Variants in BAD observed in about 807,000 individuals in gnomAD.
BAD encodes the protein bcl2-associated agonist of cell death.
A neutral mutation model predicts 17.8 loss-of-function variants in BAD; 18 were observed. That is an observed-to-expected ratio of 1.01 (90% confidence interval 0.70 to 1.50). BAD has a LOEUF of 1.50. Ranked by LOEUF, BAD falls within the 40% of genes most tolerant of loss-of-function variation. The pLI is 0.00. For missense variants in BAD, 294 were observed against 239.3 expected, an observed-to-expected ratio of 1.23 and a Z score of -1.51; for synonymous variants, 112 against 91.5, an observed-to-expected ratio of 1.22 and a Z score of -1.28.
In BAD at chr11:64,274,151, G is replaced by C. The variant is rs566964569; in HGVS notation, c.188-2348C>G. 2.6e-5 allele frequency among the ~76,000 whole-genome samples: 4 copies of C among 152,342 alleles called. No individual in the cohort carries two copies. The South Asian group carries it at 8.3e-4, about 32-fold the overall frequency. ...CTTACGCCTTTAATCCCAACACTTT[G>C]GGAGGCCGAGGCAGGCGCATCACGA... On this transcript the variant is annotated intron_variant, in intron 2 of 3. Coordinates refer to ENST00000309032, the MANE Select transcript of BAD (RefSeq NM_032989.3).
chr11:64,270,006 G>T lies in BAD; in HGVS notation c.*203C>A. ...CACGGAGCCACTTCCGGCGGCTGTGGGCGGAAAACCCAAAACTTCCGATGG... is the reference window on the plus strand; with the variant it reads ...CACGGAGCCACTTCCGGCGGCTGTGTGCGGAAAACCCAAAACTTCCGATGG... On this transcript the variant is annotated 3_prime_UTR_variant, in exon 4 of 4. Coordinates refer to ENST00000309032, the MANE Select transcript of BAD (RefSeq NM_032989.3). 1 of 1,006,662 alleles carries T rather than the reference G, an allele frequency of 9.9e-7. No homozygotes were observed. Among genetic ancestry groups the T allele is most frequent in the Non-Finnish European group, 1.5e-6 (1 of 676,562 alleles). 62.4% of individuals were successfully genotyped at this position (1,006,662 alleles called of 1,614,324 possible). A position where few individuals can be genotyped will look rare whatever the true frequency, so the allele number is the denominator to read the frequency against.
At chr11:64,282,756 G>A (rs560665633) in intron 2 of BAD, among the ~76,000 whole-genome samples, 34 of 152,106 alleles carry the variant, frequency 2.2e-4, no homozygotes, top group African/African-American at 8.2e-4. Flanking sequence ...ACACGCGCCT[G>A]TAGTCCCAGC....
chr11:64,270,580 C>G (rs537295524), intron 3 of BAD: 1 of 703,350 alleles, frequency 1.4e-6, no homozygotes, highest in East Asian at 2.7e-5. Flanking sequence ...TGCCTAGGGC[C>G]CTAAATGGAA....
chr11:64,282,564 G>A (rs1012438220), intron 2 of BAD, among the ~76,000 whole-genome samples: 10 of 151,582 alleles, frequency 6.6e-5, no homozygotes, highest in Middle Eastern at 6.9e-3. Context: ...AGGAGACCCC[G>A]CCCCTGCCCT....
In BAD at chr11:64,270,253, A is replaced by G. The variant is rs1253539806; in HGVS notation, c.463T>C (p.Trp155Arg). Residue 155 changes from tryptophan to arginine, a missense_variant, in exon 4 of 4, where the codon TGG becomes CGG. Physicochemically the swap from Trp to Arg is moderately radical, Grantham distance 101. Transcript: ENST00000309032. ...SSWTRVFQSWWDRNLGRGSSA... is the reference protein window; with the variant it reads ...SSWTRVFQSWRDRNLGRGSSA... ...CTTCCCCTGCCCAAGTTCCGATCCCACCAGGACTGGAAGACTCGCGTCCAG... is the reference window on the plus strand; with the variant it reads ...CTTCCCCTGCCCAAGTTCCGATCCCGCCAGGACTGGAAGACTCGCGTCCAG... The G allele has an allele frequency of 1.2e-6, 2 of 1,605,438 alleles. No individual in the cohort carries two copies. The highest frequency in any genetic ancestry group is 1.7e-5 in the Admixed American group (1 of 59,412).
chr11:64,269,965 AGCCTGAGGGCGGG>A lies in BAD; in HGVS notation c.*231_*243del, dbSNP rs1190024012. ...CGCAGGCGCCTGGGGGAAAGCCCGGAGCCTGAGGGCGGGGCCACGGAGCCACTTCCGGCGGCTG... is the reference window on the plus strand; with the variant it reads ...CGCAGGCGCCTGGGGGAAAGCCCGGAGCCACGGAGCCACTTCCGGCGGCTG... On this transcript the variant is annotated 3_prime_UTR_variant, in exon 4 of 4. Transcript: ENST00000309032. 1.3e-6 allele frequency: 1 copy of A among 756,322 alleles called. No homozygotes were observed. The highest frequency in any genetic ancestry group is 2.7e-5 in the East Asian group (1 of 37,434). The allele number at this position is 756,322 out of a possible 1,614,324, so 46.9% of individuals were successfully genotyped here. A position where few individuals can be genotyped will look rare whatever the true frequency, so the allele number is the denominator to read the frequency against.
intron 2 of BAD, chr11:64,276,837 C>A (rs575997979): frequency 1.4e-5 from 10 of 713,376 alleles, no homozygotes; most frequent in African/African-American, 1.2e-4. Flanking sequence ...GAGCCTGGCC[C>A]GGAGCTGGGT....
intron 2 of BAD, among the ~76,000 whole-genome samples, chr11:64,278,484 T>A (rs1170854164): frequency 6.6e-6 from 1 of 151,934 alleles, no homozygotes; most frequent in East Asian, 1.9e-4. Context: ...AGGCACTGTT[T>A]CCAAGCACTT....
chr11:64,272,258 G>T (rs947793631), intron 2 of BAD, among the ~76,000 whole-genome samples: 5 of 151,764 alleles, frequency 3.3e-5, no homozygotes, highest in Non-Finnish European at 7.4e-5. Flanking sequence ...GGGAGAGGTC[G>T]CAGTGAGCCG....
In BAD at chr11:64,269,892, G is replaced by T. The variant is rs1170652963; in HGVS notation, c.*317C>A. ...GAGCACGGCCCCCAGGGCATCGCGG[G>T]GGCTCGGGTCCCGGTGACGCAACGG... On this transcript the variant is annotated 3_prime_UTR_variant, in exon 4 of 4. Coordinates refer to ENST00000309032, the MANE Select transcript of BAD (RefSeq NM_032989.3). 1 of 699,258 alleles carries T rather than the reference G, an allele frequency of 1.4e-6. No homozygotes were observed. The highest frequency in any genetic ancestry group is 2.6e-6 in the Non-Finnish European group (1 of 384,908). The allele number at this position is 699,258 out of a possible 1,614,324, so 43.3% of individuals were successfully genotyped here.
At position 64,284,283 on chromosome 11, in the gene BAD, T is replaced by C. The variant is rs1335091710; in HGVS notation, c.86A>G (p.Asp29Gly). Residue 29 changes from aspartate to glycine, a missense_variant, in exon 2 of 4, where the codon GAC becomes GGC. Transcript: ENST00000309032. ...ERGLGPSPAGDGPSGSGKHHR... is the reference protein window; with the variant it reads ...ERGLGPSPAGGGPSGSGKHHR... ...ATGCTTGCCGGAGCCTGAGGGCCCG[T>C]CCCCTGCGGGGCTGGGGCCCAGGCC... 1 of 1,611,820 alleles carries C rather than the reference T, an allele frequency of 6.2e-7. No individual in the cohort carries two copies. The highest frequency in any genetic ancestry group is 1.1e-5 in the South Asian group (1 of 91,078).
intron 2 of BAD, among the ~76,000 whole-genome samples, chr11:64,275,291 G>T (rs777084274): frequency 6.6e-6 from 1 of 152,148 alleles, no homozygotes; most frequent in African/African-American, 2.4e-5. Context: ...GGAGAGCCGG[G>T]AACAGAAGGG....
In BAD at chr11:64,271,733, C is replaced by A. The variant is rs777345859; in HGVS notation, c.258G>T (p.Met86Ile). 2.0e-5 allele frequency: 29 copies of A among 1,449,552 alleles called. No individual in the cohort carries two copies. Among genetic ancestry groups the A allele is most frequent in the Non-Finnish European group, 2.6e-5 (29 of 1,101,228 alleles). 89.8% of individuals were successfully genotyped at this position (1,449,552 alleles called of 1,614,324 possible). A position where few individuals can be genotyped will look rare whatever the true frequency, so the allele number is the denominator to read the frequency against. The change falls in exon 3 of 4, where the codon ATG becomes ATT. Residue 86 changes from methionine to isoleucine, a missense_variant. By Grantham distance (10) the Met-to-Ile change is conservative (BLOSUM62 1). Transcript: ENST00000309032. ...YPAGTEDDEG[M>I]GEEPSPFRGR... ...CCCGAAAGGGGCTGGGCTCCTCCCC[C>A]ATCCCTTCGTCGTCCTCCGTCCCCG... is the stretch of plus-strand genomic sequence containing the variant.
intron 2 of BAD, among the ~76,000 whole-genome samples, chr11:64,273,775 G>A (rs939943843): frequency 1.1e-4 from 17 of 150,114 alleles, no homozygotes; most frequent in African/African-American, 3.4e-4. Flanking sequence ...CCAGCTACTC[G>A]GGAGGCTGAA....
At chr11:64,284,547 G>A in intron 1 of BAD, 84 bp downstream of exon 1, 1 of 1,501,896 alleles carries the variant, frequency 6.7e-7, no homozygotes, top group Non-Finnish European at 8.9e-7. Flanking sequence ...AGCTGAGGCT[G>A]TCGGCTCAGG....
At position 64,270,317 on chromosome 11, in the gene BAD, C is replaced by T. The variant is rs149903516; in HGVS notation, c.399G>A (p.Lys133=). The T allele has an allele frequency of 1.9e-6, 3 of 1,565,786 alleles. No individual in the cohort carries two copies. The African/African-American group carries it at 4.1e-5, about 21-fold the overall frequency. Residue 133 remains lysine, a synonymous_variant, in exon 4 of 4, where the codon AAG becomes AAA. Transcript: ENST00000309032. ...GCATCTGCGTTGCTGTGCCCGCGCT[C>T]TTCGGGCGAGGAAGTCCCTTCTGGT... ...DSFKKGLPRP[K]SAGTATQMRQ...
intron 2 of BAD, among the ~76,000 whole-genome samples, chr11:64,275,303 C>A (rs1393548468): frequency 6.6e-6 from 1 of 152,174 alleles, no homozygotes; most frequent in Non-Finnish European, 1.5e-5. Flanking sequence ...ACAGAAGGGG[C>A]ACTGACGGAA....
At chr11:64,272,146 C>G (rs1488861885) in intron 2 of BAD, among the ~76,000 whole-genome samples, 1 of 152,138 alleles carries the variant, frequency 6.6e-6, no homozygotes, top group African/African-American at 2.4e-5. Flanking sequence ...TGGTGAAACC[C>G]TGTCTCTACT....
intron 2 of BAD, among the ~76,000 whole-genome samples, chr11:64,274,613 G>A (rs1468390140): frequency 6.6e-6 from 1 of 152,120 alleles, no homozygotes; most frequent in East Asian, 1.9e-4. Context: ...ACGAGGTCAG[G>A]AGTTCGAGAC....
Sources: gnomAD v4.1 joint callset for allele counts (sites outside exome capture counted in the v4.1 genomes callset) on GRCh38, gnomAD v4.1.1 for gene constraint, MANE v1.5 for transcripts, NCBI Gene and HGNC (gene_info 2026-07-23, HGNC 2026-07-21) for gene names.